The following GRID1 variants were observed in gnomAD, a reference collection of about 807,000 sequenced individuals.
The protein encoded by GRID1 is glutamate ionotropic receptor delta type subunit 1, also known as glutamate receptor ionotropic, delta-1.
GRID1 carries 28 observed loss-of-function variants against 98.0 expected under a neutral mutation model. The observed-to-expected ratio is 0.29, with a 90% confidence interval of 0.21 to 0.39. The LOEUF is 0.39. Among genes scored for constraint, GRID1 ranks in the 10% least tolerant of loss-of-function variants. The pLI, the probability that GRID1 is intolerant of heterozygous loss-of-function variation, is 1.00. For missense variants in GRID1, 1,111 were observed against 1,340.5 expected, an observed-to-expected ratio of 0.83 and a Z score of 2.67; for synonymous variants, 553 against 538.5, an observed-to-expected ratio of 1.03 and a Z score of -0.37.
At chr10:86,328,276 C>A (rs1848082304) in intron 2 of GRID1, among the ~76,000 whole-genome samples, 1 of 152,224 alleles carries the variant, frequency 6.6e-6, no homozygotes, top group South Asian at 2.1e-4. Flanking sequence ...GAATATAGAG[C>A]AAGCTGATTT....
intron 4 of GRID1, among the ~76,000 whole-genome samples, chr10:86,037,727 T>A (rs1365276051): frequency 2.6e-5 from 4 of 151,300 alleles, no homozygotes; most frequent in Non-Finnish European, 5.9e-5. Context: ...CAAAAAAAAA[T>A]GAGTGGGGTG....
At chr10:85,925,288 T>C (rs1287048671) in intron 4 of GRID1, among the ~76,000 whole-genome samples, 1 of 152,240 alleles carries the variant, frequency 6.6e-6, no homozygotes, top group African/African-American at 2.4e-5. Context: ...TATCCGATCT[T>C]GTCTCACAGA....
At chr10:85,881,157 A>G (rs991858265) in intron 5 of GRID1, among the ~76,000 whole-genome samples, 4 of 152,254 alleles carry the variant, frequency 2.6e-5, no homozygotes, top group Admixed American at 2.6e-4. Context: ...TTCCATGCTC[A>G]TGGCTAGGAA....
chr10:85,611,735 A>C (rs1297686557), intron 15 of GRID1, among the ~76,000 whole-genome samples: 1 of 152,170 alleles, frequency 6.6e-6, no homozygotes, highest in Non-Finnish European at 1.5e-5. Context: ...TGAAGGGTGC[A>C]CACTGGTCAT....
At chr10:85,784,239 G>A (rs905677469) in intron 8 of GRID1, among the ~76,000 whole-genome samples, 1 of 152,172 alleles carries the variant, frequency 6.6e-6, no homozygotes, top group East Asian at 1.9e-4. Context: ...GTAAATTAAA[G>A]AACTTTTACT....
chr10:85,602,578 C>A lies in GRID1; in HGVS notation c.2725G>T (p.Ala909Ser). The change falls in exon 16 of 16, where the codon GCT becomes TCT. Residue 909 changes from alanine to serine, a missense_variant. Physicochemically the swap from Ala to Ser is moderately conservative, Grantham distance 99. This residue lies in a region of GRID1 where 762 missense variants were observed against 869.1 expected (regional missense o/e 0.88). Transcript: ENST00000327946. Reference sequence around the variant, plus strand: ...GTCGGCTCCAAGGTCTGGGTGGGAGCCAGGCCCCCCATCTCCAGGGCCGAG... The same window carrying A: ...GTCGGCTCCAAGGTCTGGGTGGGAGACAGGCCCCCCATCTCCAGGGCCGAG... ...ELSALEMGGL[A>S]PTQTLEPTRE... is the part of the protein sequence containing the mutation. 1 of 1,614,060 alleles carries A rather than the reference C, an allele frequency of 6.2e-7. No individual in the cohort carries two copies. Among genetic ancestry groups the A allele is most frequent in the Non-Finnish European group, 8.5e-7 (1 of 1,179,992 alleles).
chr10:85,899,217 G>T (rs570858817), intron 5 of GRID1, among the ~76,000 whole-genome samples: 2 of 152,292 alleles, frequency 1.3e-5, no homozygotes, highest in South Asian at 4.1e-4. Flanking sequence ...TGTCCTCCAG[G>T]CTCATCCATG....
At chr10:86,047,670 T>C (rs1046943228) in intron 4 of GRID1, among the ~76,000 whole-genome samples, 1 of 152,106 alleles carries the variant, frequency 6.6e-6, no homozygotes, top group African/African-American at 2.4e-5. Context: ...GAGATGATTT[T>C]TGGGTTAATC....
chr10:85,602,115 A>G lies in GRID1; in HGVS notation c.*158T>C, dbSNP rs1013628769. On this transcript the variant is annotated 3_prime_UTR_variant, in exon 16 of 16. Coordinates refer to ENST00000327946, the MANE Select transcript of GRID1 (RefSeq NM_017551.3). ...TCAAAATACACTTTTACCCCACTCC[A>G]TTCTGTCATTATTTACACATATGTA... 10 of 503,360 alleles carry G rather than the reference A, an allele frequency of 2.0e-5. No homozygotes were observed. In the Admixed American group the frequency reaches 3.3e-4, roughly 17 times the overall value. The allele number at this position is 503,360 out of a possible 1,614,324, so 31.2% of individuals were successfully genotyped here. A position where few individuals can be genotyped will look rare whatever the true frequency, so the allele number is the denominator to read the frequency against.
At chr10:85,614,272 A>G (rs1842764890) in intron 14 of GRID1, among the ~76,000 whole-genome samples, 1 of 152,234 alleles carries the variant, frequency 6.6e-6, no homozygotes, top group Non-Finnish European at 1.5e-5. Flanking sequence ...AGGTTCCAGG[A>G]AACACCACAT....
chr10:85,961,909 C>T (rs1163400976), intron 4 of GRID1, among the ~76,000 whole-genome samples: 1 of 142,200 alleles, frequency 7.0e-6, no homozygotes, highest in African/African-American at 2.6e-5. Flanking sequence ...GGAGAAAGAA[C>T]AAAGGAAGAA....
intron 2 of GRID1, among the ~76,000 whole-genome samples, chr10:86,344,975 C>T (rs899624661): frequency 2.6e-5 from 4 of 152,186 alleles, no homozygotes; most frequent in Admixed American, 6.5e-5. Flanking sequence ...TTTCCCTGCC[C>T]GGATGGACAA....
At chr10:85,930,002 A>G (rs892528505) in intron 4 of GRID1, among the ~76,000 whole-genome samples, 7 of 152,200 alleles carry the variant, frequency 4.6e-5, no homozygotes, top group Non-Finnish European at 8.8e-5. Flanking sequence ...AATCAAATGT[A>G]TTGACTCCAT....
At chr10:86,314,315 G>GT (rs2132090571) in intron 2 of GRID1, among the ~76,000 whole-genome samples, 1 of 152,316 alleles carries the variant, frequency 6.6e-6, no homozygotes, top group Admixed American at 6.5e-5. Context: ...GATGGGACAG[G>GT]TCCCAAGGGT....
chr10:85,687,487 A>G (rs1841282690), intron 12 of GRID1, among the ~76,000 whole-genome samples: 1 of 152,102 alleles, frequency 6.6e-6, no homozygotes, highest in Non-Finnish European at 1.5e-5. Flanking sequence ...AACCAGGACC[A>G]GGCACGGTGG....
intron 12 of GRID1, among the ~76,000 whole-genome samples, chr10:85,700,975 T>C (rs557442115): frequency 9.8e-5 from 15 of 152,288 alleles, no homozygotes; most frequent in African/African-American, 3.4e-4. Context: ...TGAAGATAAC[T>C]AAGAAAATAT....
intron 3 of GRID1, among the ~76,000 whole-genome samples, chr10:86,191,055 T>C (rs899848971): frequency 6.6e-6 from 1 of 152,220 alleles, no homozygotes; most frequent in Non-Finnish European, 1.5e-5. Flanking sequence ...TCTAACCTAG[T>C]TGCTGAATCG....
chr10:86,313,259 A>C (rs551700400), intron 2 of GRID1, among the ~76,000 whole-genome samples: 23 of 152,366 alleles, frequency 1.5e-4, no homozygotes, highest in Middle Eastern at 6.8e-3. Flanking sequence ...ATTACCCAGC[A>C]CTAACCATGT....
intron 3 of GRID1, among the ~76,000 whole-genome samples, chr10:86,148,559 T>C (rs1306985767): frequency 6.6e-6 from 1 of 152,196 alleles, no homozygotes; most frequent in Admixed American, 6.5e-5. Context: ...ATGTTGACTA[T>C]AGTTAATAAC....
Sources: gnomAD v4.1 joint callset for allele counts (sites outside exome capture counted in the v4.1 genomes callset) on GRCh38, gnomAD v4.1.1 for gene constraint, gnomAD v4.1.1 regional missense constraint, MANE v1.5 for transcripts, NCBI Gene and HGNC (gene_info 2026-07-23, HGNC 2026-07-21) for gene names.